CYP27C1: variants seen among roughly 807,000 people sequenced by gnomAD.
CYP27C1 encodes the protein cytochrome P450 27C1.
Under a neutral mutation model 40.6 loss-of-function variants are expected in CYP27C1, and 29 were observed. That is an observed-to-expected ratio of 0.71 (90% confidence interval 0.53 to 0.97). CYP27C1 has a LOEUF of 0.97. CYP27C1 is among the 50% of genes least tolerant of loss of function. CYP27C1 has a pLI of 0.00. For missense variants in CYP27C1, 390 were observed against 485.8 expected (o/e 0.80, Z 1.85); for synonymous variants, 198 against 186.8 (o/e 1.06, Z -0.49).
At chr2:127,204,731 T>C (rs1573902510) in intron 2 of CYP27C1, among the ~76,000 whole-genome samples, 1 of 152,048 alleles carries the variant, frequency 6.6e-6, no homozygotes, top group Non-Finnish European at 1.5e-5. Context: ...AGCACCCAGG[T>C]AGCAGGCCCA....
rs1683005910 is a variant in CYP27C1, at chr2:127,200,370, T to G, written c.883+752A>C. On this transcript the variant is annotated intron_variant, in intron 4 of 8. Coordinates refer to ENST00000664447, the MANE Select transcript of CYP27C1 (RefSeq NM_001367502.1). The surrounding 1 kb of genome is among the most constrained non-coding windows in gnomAD (Gnocchi z 4.2). ...TGTTCTAAGCATTTTGAAAATAATTTCTTTATTTTTGGCAATGCTTTTATA... is the reference window on the plus strand; with the variant it reads ...TGTTCTAAGCATTTTGAAAATAATTGCTTTATTTTTGGCAATGCTTTTATA... Among the ~76,000 whole-genome samples, 1 of 152,236 alleles carries G rather than the reference T, an allele frequency of 6.6e-6. No homozygotes were observed. The highest frequency in any genetic ancestry group is 2.4e-5 in the African/African-American group (1 of 41,466).
intron 8 of CYP27C1, among the ~76,000 whole-genome samples, chr2:127,191,468 A>C (rs11903375): frequency 8.2e-4 from 125 of 152,190 alleles, no homozygotes; most frequent in African/African-American, 3.0e-3. Context: ...CATCCCTCCC[A>C]ACTCACCGAT....
At chr2:127,210,314 G>C (rs1683310997) in intron 1 of CYP27C1, among the ~76,000 whole-genome samples, 1 of 152,198 alleles carries the variant, frequency 6.6e-6, no homozygotes, top group South Asian at 2.1e-4. Context: ...CAAATGCTGA[G>C]GGATTTTGTT....
At chr2:127,204,610 A>AAAGAAAGAAAGCAAGCAAGC (rs1683180857) in intron 2 of CYP27C1, among the ~76,000 whole-genome samples, 1 of 102,604 alleles carries the variant, frequency 9.7e-6, no homozygotes, top group African/African-American at 4.1e-5. Flanking sequence ...AGAAAGAAAG[A>AAAGAAAGAAAGCAAGCAAGC]AAGAAAGAAA....
At position 127,193,220 on chromosome 2, in the gene CYP27C1, C is replaced by T. The variant is rs374475506; in HGVS notation, c.1371G>A (p.Glu457=). The T allele has an allele frequency of 3.1e-5, 50 of 1,614,130 alleles. No individual in the cohort carries two copies. Among genetic ancestry groups the T allele is most frequent in the Non-Finnish European group, 3.9e-5 (46 of 1,180,058 alleles). The change falls in exon 8 of 9, where the codon GAG becomes GAA. Residue 457 remains glutamate (E), a synonymous_variant. Transcript: ENST00000664447. ...NFPRAKEFRP[E]RWLRKGDLDR... ...CTAAGTCTCCTTTCCGCAGCCAGCGCTCAGGCCGGAACTCCTTGGCCCGAG... is the reference window on the plus strand; with the variant it reads ...CTAAGTCTCCTTTCCGCAGCCAGCGTTCAGGCCGGAACTCCTTGGCCCGAG...
intron 8 of CYP27C1, among the ~76,000 whole-genome samples, chr2:127,189,100 T>C (rs900824274): frequency 7.9e-5 from 12 of 152,068 alleles, no homozygotes; most frequent in African/African-American, 2.9e-4. Context: ...ACGGTATTTT[T>C]TCTTTTCTGA....
chr2:127,208,397 C>T lies in CYP27C1; in HGVS notation c.283-2307G>A, dbSNP rs1209364472. 1.3e-5 allele frequency among the ~76,000 whole-genome samples: 2 copies of T among 152,202 alleles called. No homozygotes were observed. Among genetic ancestry groups the T allele is most frequent in the African/African-American group, 4.8e-5 (2 of 41,450 alleles). ...CCTACAGGTCAGAAGATCCCACTCT[C>T]GAACCCATGCCACCAGAGCCAAGCA... On this transcript the variant is annotated intron_variant, in intron 1 of 8. Transcript: ENST00000664447. The surrounding 1 kb of genome is among the most constrained non-coding windows in gnomAD (Gnocchi z 5.2).
rs900986653 is a variant in CYP27C1, at chr2:127,195,002, G to A, written c.1214+333C>T. On this transcript the variant is annotated intron_variant, in intron 6 of 8. Coordinates refer to ENST00000664447, the MANE Select transcript of CYP27C1 (RefSeq NM_001367502.1). The surrounding 1 kb of genome is among the most constrained non-coding windows in gnomAD (Gnocchi z 6.2). Reference sequence around the variant, plus strand: ...CTACCACCACGCCCTGCTAATTTTTGTATTTTTAGTAGAGACGCAGTTTCA... The same window carrying A: ...CTACCACCACGCCCTGCTAATTTTTATATTTTTAGTAGAGACGCAGTTTCA... 6.6e-6 allele frequency among the ~76,000 whole-genome samples: 1 copy of A among 152,032 alleles called. No individual in the cohort carries two copies. The highest frequency in any genetic ancestry group is 1.5e-5 in the Non-Finnish European group (1 of 68,010).
At chr2:127,202,397 A>G (rs1230916944) in intron 3 of CYP27C1, among the ~76,000 whole-genome samples, 2 of 152,218 alleles carry the variant, frequency 1.3e-5, no homozygotes, top group Non-Finnish European at 2.9e-5. Context: ...AAGTGCTGGG[A>G]TTACAGGCGT....
At chr2:127,202,692 T>A (rs375415713) in intron 3 of CYP27C1, among the ~76,000 whole-genome samples, 1 of 152,130 alleles carries the variant, frequency 6.6e-6, no homozygotes, top group Non-Finnish European at 1.5e-5. Context: ...GAGTTTGAAG[T>A]AGATGCCCTC....
chr2:127,201,302 A>G lies in CYP27C1; in HGVS notation c.703T>C (p.Leu235=), dbSNP rs780443544. 33 of 1,609,016 alleles carry G rather than the reference A, an allele frequency of 2.1e-5. No homozygotes were observed. Among genetic ancestry groups the G allele is most frequent in the Non-Finnish European group, 2.8e-5 (33 of 1,177,332 alleles). The change falls in exon 4 of 9, where the codon TTG becomes CTG. Residue 235 remains leucine, a synonymous_variant. Transcript: ENST00000664447. This position sits in a 1 kb window ranked among gnomAD's most constrained non-coding sequence, Gnocchi z 6.0. ...GVATILYESR[L]GCLENSIPQL... is the part of the protein sequence containing the mutation. ...GGGATGCTGTTTTCCAGGCAGCCCA[A>G]ACGACTCTCATAAAGGATGGTGGCC...
rs143547835 is a variant in CYP27C1 at position 127,218,346 on chromosome 2, A to T, written c.282+1643T>A. On this transcript the variant is annotated intron_variant, in intron 1 of 8. Coordinates refer to ENST00000664447, the MANE Select transcript of CYP27C1 (RefSeq NM_001367502.1). The surrounding 1 kb of genome is among the most constrained non-coding windows in gnomAD (Gnocchi z 6.0). ...AATTACACTTCAGAAAGCAGGCTGT[A>T]TTGAACCCATCAACAGCAAATAACA... Among the ~76,000 whole-genome samples the T allele has an allele frequency of 6.6e-4, 100 of 152,298 alleles. No individual in the cohort carries two copies. Among genetic ancestry groups the T allele is most frequent in the African/African-American group, 2.2e-3 (93 of 41,564 alleles).
intron 6 of CYP27C1, among the ~76,000 whole-genome samples, chr2:127,194,848 T>C (rs1206206479): frequency 2.6e-5 from 4 of 151,496 alleles, no homozygotes; most frequent in Admixed American, 6.6e-5. Flanking sequence ...TTTTCTTTTT[T>C]TTTTTTTTTT....
At chr2:127,192,174 C>T (rs1682791232) in intron 8 of CYP27C1, among the ~76,000 whole-genome samples, 1 of 152,196 alleles carries the variant, frequency 6.6e-6, no homozygotes, top group African/African-American at 2.4e-5. Context: ...CTGCCCTGCA[C>T]CTGCCACTGT....
intron 8 of CYP27C1, among the ~76,000 whole-genome samples, chr2:127,188,055 T>G (rs1236665487): frequency 6.6e-6 from 1 of 152,194 alleles, no homozygotes. Flanking sequence ...AAGTCAGCCC[T>G]GGGCTTAGGA....
At chr2:127,205,790 G>A (rs971488907) in intron 2 of CYP27C1, 110 bp downstream of exon 2, 1 of 982,102 alleles carries the variant, frequency 1.0e-6, no homozygotes, top group Non-Finnish European at 1.2e-6. Flanking sequence ...TCCATGGGGG[G>A]GTTCTGTGCT....
Position 127,193,780 on chromosome 2 carries a change from C to T in CYP27C1, c.1293+9G>A. 6.2e-7 allele frequency: 1 copy of T among 1,614,168 alleles called. No individual in the cohort carries two copies. The highest frequency in any genetic ancestry group is 8.5e-7 in the Non-Finnish European group (1 of 1,180,016). On this transcript the variant is annotated intron_variant, in intron 7 of 8. Transcript: ENST00000664447. ...CAAGGCCTGGCCACCCCCATGGCCC[C>T]AAACTCACGCCTTTCGGAATCAGAT...
chr2:127,203,300 C>A, intron 3 of CYP27C1, 72 bp downstream of exon 3: 1 of 1,535,220 alleles, frequency 6.5e-7, no homozygotes, highest in Non-Finnish European at 8.8e-7. Flanking sequence ...AGGGAATGAT[C>A]CAAGATGACA....
chr2:127,216,235 C>A (rs1683427875), intron 1 of CYP27C1, among the ~76,000 whole-genome samples: 1 of 152,186 alleles, frequency 6.6e-6, no homozygotes, highest in Non-Finnish European at 1.5e-5. Flanking sequence ...CAAAACCTTA[C>A]ACACAAAAAT....
Sources: gnomAD v4.1 joint callset for allele counts (sites outside exome capture counted in the v4.1 genomes callset) on GRCh38, gnomAD v4.1.1 for gene constraint, Gnocchi (gnomAD v3.1) non-coding constraint, MANE v1.5 for transcripts, NCBI Gene and HGNC (gene_info 2026-07-23, HGNC 2026-07-21) for gene names.